The following FRMD5 variants were observed in gnomAD, a reference collection of about 807,000 sequenced individuals.
FRMD5 encodes FERM domain-containing protein 5.
In FRMD5, 20 loss-of-function variants were observed where a neutral mutation model predicts 69.0. The observed-to-expected ratio is 0.29, with a 90% CI of 0.20 to 0.42. The LOEUF is 0.42. Among genes scored for constraint, FRMD5 ranks in the 10% least tolerant of loss-of-function variants. The probability of loss-of-function intolerance (pLI) is 1.00; values close to 1 mark genes in which losing one functional copy is unlikely to be tolerated. For synonymous variants in FRMD5, 271 were observed against 260.1 expected (o/e 1.04, Z -0.40); for missense variants, 595 against 708.6 (o/e 0.84, Z 1.82).
chr15:43,902,425 GTC>G (rs1443560814), intron 6 of FRMD5, among the ~76,000 whole-genome samples, 163 bp from the exon 7 acceptor site: 1 of 152,130 alleles, frequency 6.6e-6, no homozygotes, highest in Non-Finnish European at 1.5e-5. Context: ...TCCTGCTAGA[GTC>G]TCTGACTGTC....
chr15:44,116,723 G>A (rs1000473809), intron 1 of FRMD5, among the ~76,000 whole-genome samples: 1 of 151,986 alleles, frequency 6.6e-6, no homozygotes, highest in Non-Finnish European at 1.5e-5. Flanking sequence ...CCTCCCTTGG[G>A]CTCAGAAAAC....
At chr15:44,018,349 A>G (rs1891062754) in intron 1 of FRMD5, among the ~76,000 whole-genome samples, 1 of 152,226 alleles carries the variant, frequency 6.6e-6, no homozygotes, top group African/African-American at 2.4e-5. Flanking sequence ...TAGGTATTCT[A>G]AAAAGGGAGG....
chr15:43,990,256 C>T (rs990885677), intron 1 of FRMD5: 7 of 363,490 alleles, frequency 1.9e-5, no homozygotes, highest in Admixed American at 7.7e-5. Flanking sequence ...AGGGTGGACA[C>T]GGTCTCAGCA....
chr15:43,945,120 C>T (rs2089924712), intron 1 of FRMD5, among the ~76,000 whole-genome samples: 1 of 152,044 alleles, frequency 6.6e-6, no homozygotes, highest in Non-Finnish European at 1.5e-5. Flanking sequence ...CCAGATAGGA[C>T]ATCTCCTTAA....
chr15:43,871,456 G>A lies in FRMD5; in HGVS notation c.*2429C>T, dbSNP rs570461256. Reference sequence around the variant, plus strand: ...CACCAGATTCTACAAACTGAGGTAGGAGCACTACACTAAAAGGTAATCTTC... The same window carrying A: ...CACCAGATTCTACAAACTGAGGTAGAAGCACTACACTAAAAGGTAATCTTC... On this transcript the variant is annotated 3_prime_UTR_variant, in exon 14 of 14. Transcript: ENST00000417257. The A allele has an allele frequency of 1.8e-4, 27 of 152,204 alleles. No individual in the cohort carries two copies. Among genetic ancestry groups the A allele is most frequent in the Non-Finnish European group, 2.4e-4 (16 of 68,028 alleles). 9.4% of individuals were successfully genotyped at this position (152,204 alleles called of 1,614,324 possible).
intron 1 of FRMD5, among the ~76,000 whole-genome samples, chr15:43,948,718 T>C (rs773935416): frequency 1.3e-5 from 2 of 152,202 alleles, no homozygotes; most frequent in African/African-American, 2.4e-5. Context: ...TCTATTTATA[T>C]GCAACCAGTT....
chr15:44,135,763 T>G (rs1173976720), intron 1 of FRMD5, among the ~76,000 whole-genome samples: 1 of 143,914 alleles, frequency 6.9e-6, no homozygotes, highest in Non-Finnish European at 1.5e-5. Flanking sequence ...AGGTAGAGGT[T>G]GCAGTGAGCC....
At chr15:43,875,367 T>A (rs201630294) in intron 13 of FRMD5, among the ~76,000 whole-genome samples, 7,205 of 95,322 alleles carry the variant, frequency 0.076, 351 homozygotes, top group Middle Eastern at 0.095. Context: ...AAAAAAAATA[T>A]ATATATATAT....
rs377746998 is a variant in FRMD5, at chr15:43,887,974, A to G, written c.884+201T>C. Among the ~76,000 whole-genome samples the G allele has an allele frequency of 6.6e-5, 10 of 152,192 alleles. No individual in the cohort carries two copies. In the East Asian group the frequency reaches 7.7e-4, roughly 12 times the overall value. Reference sequence around the variant, plus strand: ...CTTTCTTAACCGAAGAAAACAACACAAAAGCCCCACATTCTTTACAAAATC... The same window carrying G: ...CTTTCTTAACCGAAGAAAACAACACGAAAGCCCCACATTCTTTACAAAATC... On this transcript the variant is annotated intron_variant, in intron 10 of 13. Coordinates refer to ENST00000417257, the MANE Select transcript of FRMD5 (RefSeq NM_032892.5).
chr15:44,175,961 T>C (rs1213278399), intron 1 of FRMD5, among the ~76,000 whole-genome samples: 1 of 152,238 alleles, frequency 6.6e-6, no homozygotes, highest in Non-Finnish European at 1.5e-5. Flanking sequence ...CCTGAATTGC[T>C]GAATTGATCA....
rs79028069 is a variant in FRMD5 at position 44,130,431 on chromosome 15, C to A, written c.102+64522G>T. Among the ~76,000 whole-genome samples, 348 of 152,294 alleles carry A rather than the reference C, an allele frequency of 2.3e-3. 8 individuals are homozygous for A. The East Asian group carries it at 0.058, about 25-fold the overall frequency. On this transcript the variant is annotated intron_variant, in intron 1 of 13. Coordinates refer to ENST00000417257, the MANE Select transcript of FRMD5 (RefSeq NM_032892.5). ...TTCCAGGGAACTTCCAAGTGAGACA[C>A]CTGGCTCACTAGTAAAGCTTAGTTT...
At chr15:44,191,194 TG>T (rs2078186681) in intron 1 of FRMD5, among the ~76,000 whole-genome samples, 1 of 152,242 alleles carries the variant, frequency 6.6e-6, no homozygotes, top group East Asian at 1.9e-4. Flanking sequence ...TTAACATTTC[TG>T]ACTTGAAAAT....
intron 1 of FRMD5, among the ~76,000 whole-genome samples, chr15:43,993,591 TC>T (rs1408300905): frequency 6.6e-6 from 1 of 152,226 alleles, no homozygotes; most frequent in East Asian, 1.9e-4. Flanking sequence ...GTCTGTTAGG[TC>T]CATTCGATGT....
At chr15:44,055,828 G>A (rs1280317947) in intron 1 of FRMD5, among the ~76,000 whole-genome samples, 3 of 152,102 alleles carry the variant, frequency 2.0e-5, no homozygotes, top group African/African-American at 7.2e-5. Context: ...TACATTAACT[G>A]GATTAAACTA....
chr15:43,884,704 G>C (rs779254536), intron 12 of FRMD5, 23 bp downstream of exon 12: 20 of 1,607,844 alleles, frequency 1.2e-5, no homozygotes, highest in East Asian at 6.7e-5. Flanking sequence ...CAACTGTTTG[G>C]GGGGAAGCCC....
chr15:44,060,062 A>C (rs1225520708), intron 1 of FRMD5, among the ~76,000 whole-genome samples: 1 of 152,234 alleles, frequency 6.6e-6, no homozygotes, highest in Non-Finnish European at 1.5e-5. Context: ...CAAGAAGGTA[A>C]GTGGAGAGAG....
At chr15:44,078,304 C>T (rs1439089045) in intron 1 of FRMD5, among the ~76,000 whole-genome samples, 1 of 152,046 alleles carries the variant, frequency 6.6e-6, no homozygotes. Context: ...AATTATCAGA[C>T]CCTGCCATTT....
chr15:44,147,318 T>C (rs2077372262), intron 1 of FRMD5, among the ~76,000 whole-genome samples: 2 of 152,168 alleles, frequency 1.3e-5, no homozygotes, highest in African/African-American at 4.8e-5. Flanking sequence ...GCAGTCTTAT[T>C]TCTGAGATCT....
chr15:44,059,908 TA>T (rs1249473436), intron 1 of FRMD5, among the ~76,000 whole-genome samples: 2 of 152,196 alleles, frequency 1.3e-5, no homozygotes, highest in Non-Finnish European at 1.5e-5. Context: ...GAAACACCTT[TA>T]AAAAATAGTA....
Sources: gnomAD v4.1 joint callset for allele counts (sites outside exome capture counted in the v4.1 genomes callset) on GRCh38, gnomAD v4.1.1 for gene constraint, MANE v1.5 for transcripts, NCBI Gene and HGNC (gene_info 2026-07-23, HGNC 2026-07-21) for gene names.